RAB3GAP1: variants seen among roughly 807,000 people sequenced by gnomAD.
RAB3GAP1 encodes rab3 GTPase-activating protein catalytic subunit.
RAB3GAP1 carries 86 observed loss-of-function variants against 130.7 expected under a neutral mutation model. The ratio of observed to expected loss-of-function variants is 0.66; its 90% CI spans 0.55 to 0.79. The LOEUF (loss-of-function observed/expected upper bound fraction) is 0.79. RAB3GAP1 is among the 30% of genes least tolerant of loss of function. The pLI, the probability that RAB3GAP1 is intolerant of heterozygous loss-of-function variation, is 0.00. For synonymous variants in RAB3GAP1, 367 were observed against 401.7 expected (o/e 0.91, Z 1.03); for missense variants, 1,029 against 1,169.4 (o/e 0.88, Z 1.75).
At chr2:135,098,708 C>A (rs1322719676) in intron 5 of RAB3GAP1, among the ~76,000 whole-genome samples, 1 of 152,124 alleles carries the variant, frequency 6.6e-6, no homozygotes, top group East Asian at 1.9e-4. Context: ...TGATTTCTTT[C>A]AGCAGTGTCT....
chr2:135,071,076 A>G (rs1028362760), intron 3 of RAB3GAP1, among the ~76,000 whole-genome samples: 2 of 152,250 alleles, frequency 1.3e-5, no homozygotes, highest in Admixed American at 6.5e-5. Flanking sequence ...GATAGAGACT[A>G]CAGGTTTGTG....
chr2:135,166,126 C>G (rs1393799380), intron 23 of RAB3GAP1, among the ~76,000 whole-genome samples: 1 of 149,932 alleles, frequency 6.7e-6, no homozygotes, highest in African/African-American at 2.5e-5. Context: ...GAGCTGAGAT[C>G]ATGCCACTGC....
chr2:135,082,161 G>GAATGAATGAATGAATGAATAAATA (rs138937070), intron 3 of RAB3GAP1, among the ~76,000 whole-genome samples: 167 of 150,364 alleles, frequency 1.1e-3, no homozygotes, highest in African/African-American at 3.1e-3. Context: ...ATGAATGAAT[G>GAATGAATGAATGAATGAATAAATA]AATAAATAAA....
At position 135,133,731 on chromosome 2, in the gene RAB3GAP1, A is replaced by G. The variant is rs918909178; in HGVS notation, c.1327-130A>G. 1.6e-5 allele frequency: 12 copies of G among 750,820 alleles called. No individual in the cohort carries two copies. The African/African-American group carries it at 1.7e-4, about 11-fold the overall frequency. The allele number at this position is 750,820 out of a possible 1,614,324, so 46.5% of individuals were successfully genotyped here. On this transcript the variant is annotated intron_variant, in intron 14 of 23. Transcript: ENST00000264158. Reference sequence around the variant, plus strand: ...TAGTTTATGCAGTAGTGTATTAGACATTTGATAATGCCTAGTTTAGGTGGG... The same window carrying G: ...TAGTTTATGCAGTAGTGTATTAGACGTTTGATAATGCCTAGTTTAGGTGGG...
chr2:135,106,581 C>CT (rs1178598919), intron 5 of RAB3GAP1, among the ~76,000 whole-genome samples: 1 of 151,766 alleles, frequency 6.6e-6, no homozygotes, highest in Non-Finnish European at 1.5e-5. Context: ...CATCACCACT[C>CT]CCTAATCTCA....
intron 17 of RAB3GAP1, among the ~76,000 whole-genome samples, chr2:135,138,967 A>G (rs928600020): frequency 2.0e-5 from 3 of 152,238 alleles, no homozygotes; most frequent in Admixed American, 6.5e-5. Flanking sequence ...TTTTGTTAAC[A>G]TGATGGTCAA....
chr2:135,071,205 C>T lies in RAB3GAP1; in HGVS notation c.150+13119C>T, dbSNP rs558137646. On this transcript the variant is annotated intron_variant, in intron 3 of 23. Transcript: ENST00000264158. Reference sequence around the variant, plus strand: ...AATCCTAGTATCCTGGCCTTGAGGCCCAGAGCCTCATTTTACTGGCCCTTA... The same window carrying T: ...AATCCTAGTATCCTGGCCTTGAGGCTCAGAGCCTCATTTTACTGGCCCTTA... 1.3e-4 allele frequency among the ~76,000 whole-genome samples: 20 copies of T among 152,232 alleles called. No homozygotes were observed. The South Asian group carries it at 3.9e-3, about 30-fold the overall frequency.
intron 3 of RAB3GAP1, among the ~76,000 whole-genome samples, chr2:135,080,082 A>G (rs1459156770): frequency 7.2e-6 from 1 of 138,504 alleles, no homozygotes; most frequent in Non-Finnish European, 1.5e-5. Flanking sequence ...GCACCACAGC[A>G]CTCCCGCCTG....
intron 17 of RAB3GAP1, among the ~76,000 whole-genome samples, chr2:135,142,574 A>T (rs922018343): frequency 3.9e-5 from 6 of 152,136 alleles, no homozygotes; most frequent in African/African-American, 1.2e-4. Flanking sequence ...ACTGGACATT[A>T]TTCTCTTGTT....
At chr2:135,145,157 CAG>C (rs760666695) in intron 17 of RAB3GAP1, among the ~76,000 whole-genome samples, 2 of 152,020 alleles carry the variant, frequency 1.3e-5, no homozygotes, top group Non-Finnish European at 2.9e-5. Context: ...ATGATCAAGT[CAG>C]GGTGTTTGGA....
At chr2:135,091,433 T>G (rs556845250) in intron 4 of RAB3GAP1, among the ~76,000 whole-genome samples, 1 of 152,158 alleles carries the variant, frequency 6.6e-6, no homozygotes, top group African/African-American at 2.4e-5. Flanking sequence ...AAGTGCATCC[T>G]GAAGTACAGA....
At chr2:135,167,803 C>A in intron 23 of RAB3GAP1, 1 of 1,156,344 alleles carries the variant, frequency 8.6e-7, no homozygotes, top group Non-Finnish European at 1.2e-6. Flanking sequence ...ACCTCTCTCA[C>A]AGTCTGGATT....
At chr2:135,122,637 A>C (rs981444093) in intron 8 of RAB3GAP1, among the ~76,000 whole-genome samples, 4 of 152,190 alleles carry the variant, frequency 2.6e-5, no homozygotes, top group South Asian at 2.1e-4. Context: ...TATAATATGG[A>C]TGAGATACTG....
chr2:135,056,903 A>G (rs1689029036), intron 2 of RAB3GAP1, among the ~76,000 whole-genome samples: 1 of 152,194 alleles, frequency 6.6e-6, no homozygotes, highest in South Asian at 2.1e-4. Context: ...CTGAAGGAAA[A>G]AATCTGTTGC....
intron 4 of RAB3GAP1, 112 bp downstream of exon 4, chr2:135,091,242 C>T: frequency 9.6e-7 from 1 of 1,036,724 alleles, no homozygotes; most frequent in Non-Finnish European, 1.4e-6. Flanking sequence ...AACTGTTTTA[C>T]ATAAGCAAAG....
chr2:135,111,068 A>G (rs920393511), intron 5 of RAB3GAP1, among the ~76,000 whole-genome samples: 4 of 152,188 alleles, frequency 2.6e-5, no homozygotes, highest in African/African-American at 9.6e-5. Context: ...TGCATAACTA[A>G]TTTTGATTTC....
chr2:135,106,512 G>A (rs1018918537), intron 5 of RAB3GAP1, among the ~76,000 whole-genome samples: 1 of 152,120 alleles, frequency 6.6e-6, no homozygotes, highest in Non-Finnish European at 1.5e-5. Flanking sequence ...ATGGATTAAG[G>A]GCGGTGCAAG....
intron 5 of RAB3GAP1, among the ~76,000 whole-genome samples, chr2:135,105,976 T>A (rs1690595531): frequency 2.0e-5 from 3 of 149,738 alleles, no homozygotes. Flanking sequence ...GTCTGAGAAG[T>A]GAGGAGCCCC....
intron 5 of RAB3GAP1, among the ~76,000 whole-genome samples, chr2:135,095,556 C>T (rs1306213939): frequency 2.0e-5 from 3 of 152,150 alleles, no homozygotes; most frequent in East Asian, 1.9e-4. Flanking sequence ...AAAATCAAAA[C>T]TCACTGTGTC....
Sources: gnomAD v4.1 joint callset for allele counts (sites outside exome capture counted in the v4.1 genomes callset) on GRCh38, gnomAD v4.1.1 for gene constraint, MANE v1.5 for transcripts, NCBI Gene and HGNC (gene_info 2026-07-23, HGNC 2026-07-21) for gene names.